The following RBFOX1 variants were observed in gnomAD, a reference collection of about 807,000 sequenced individuals.
RBFOX1 encodes RNA binding protein fox-1 homolog 1.
RBFOX1 carries 8 observed loss-of-function variants against 57.7 expected under a neutral mutation model. The ratio of observed to expected loss-of-function variants is 0.14; its 90% confidence interval spans 0.08 to 0.25. RBFOX1 has a LOEUF of 0.25. Ranked by LOEUF, RBFOX1 falls within the 10% of genes least tolerant of loss-of-function variation. The pLI is 1.00. For missense variants in RBFOX1, 611 were observed against 548.5 expected (o/e 1.11, Z -1.14); for synonymous variants, 326 against 222.4 (o/e 1.47, Z -4.15).
chr16:7,562,491 G>A (rs1172396797), intron 5 of RBFOX1, among the ~76,000 whole-genome samples: 1 of 152,090 alleles, frequency 6.6e-6, no homozygotes, highest in Non-Finnish European at 1.5e-5. Flanking sequence ...CGAGACCCTG[G>A]GCAACTATGG....
At chr16:6,158,808 C>A (rs1358290718) in intron 1 of RBFOX1, among the ~76,000 whole-genome samples, 1 of 152,108 alleles carries the variant, frequency 6.6e-6, no homozygotes, top group African/African-American at 2.4e-5. Flanking sequence ...GAGGGCACGT[C>A]TGGGAATTTG....
chr16:6,947,595 T>C (rs1270510287), intron 3 of RBFOX1, among the ~76,000 whole-genome samples: 1 of 152,236 alleles, frequency 6.6e-6, no homozygotes, highest in Non-Finnish European at 1.5e-5. Context: ...TGCTGCCTCC[T>C]GCCTTGCGTA....
At chr16:5,499,324 A>T (rs1209697480) in intron 2 of RBFOX1, among the ~76,000 whole-genome samples, 1 of 152,126 alleles carries the variant, frequency 6.6e-6, no homozygotes, top group Non-Finnish European at 1.5e-5. Context: ...GGCACAGGTG[A>T]CATTCTCTTG....
chr16:5,535,251 C>A (rs1454768971), intron 2 of RBFOX1, among the ~76,000 whole-genome samples: 1 of 152,208 alleles, frequency 6.6e-6, no homozygotes, highest in Non-Finnish European at 1.5e-5. Flanking sequence ...ATGAACAGCT[C>A]ATCAACTCCA....
chr16:5,685,247 G>A (rs1271867044), intron 3 of RBFOX1, among the ~76,000 whole-genome samples: 1 of 152,152 alleles, frequency 6.6e-6, no homozygotes, highest in Non-Finnish European at 1.5e-5. Context: ...AGGACATCCA[G>A]AAATTGATGC....
intron 4 of RBFOX1, among the ~76,000 whole-genome samples, chr16:5,982,808 C>T (rs7196321): frequency 0.18 from 28,020 of 152,120 alleles, 4,022 homozygotes; most frequent in African/African-American, 0.4. Context: ...TCTACTAGAA[C>T]GTAAATACCT....
intron 1 of RBFOX1, among the ~76,000 whole-genome samples, chr16:5,286,939 C>G (rs1054011899): frequency 6.6e-6 from 1 of 152,170 alleles, no homozygotes; most frequent in Non-Finnish European, 1.5e-5. Context: ...ACAATTTATT[C>G]CCTGGGGCTG....
At chr16:6,152,008 G>A (rs959048726) in intron 1 of RBFOX1, among the ~76,000 whole-genome samples, 3 of 152,144 alleles carry the variant, frequency 2.0e-5, no homozygotes, top group African/African-American at 7.2e-5. Flanking sequence ...CATTCCTTGG[G>A]TTTCTAAATG....
In RBFOX1 at chr16:5,465,404, A is replaced by G. The variant is rs147229116; in HGVS notation, c.220-1812A>G. Among the ~76,000 whole-genome samples the G allele has an allele frequency of 1.3e-3, 195 of 152,282 alleles. 1 individual carries two copies. Among genetic ancestry groups the G allele is most frequent in the East Asian group, 8.3e-3 (43 of 5,176 alleles). ...CTTTAAAGGTCCTGTCTGCAAGTCA[A>G]TTACGTTCAGAAGTCCTAGATTTGG... On this transcript the variant is annotated intron_variant, in intron 1 of 2. Transcript: ENST00000585867.
intron 3 of RBFOX1, among the ~76,000 whole-genome samples, chr16:6,806,817 A>AATATATAAATATATATATAT (rs1366370826): frequency 1.2e-5 from 1 of 85,126 alleles, no homozygotes; most frequent in African/African-American, 4.4e-5. Context: ...TAAATATATA[A>AATATATAAATATATATATAT]ATATATATAT....
chr16:6,311,277 C>G (rs1198831456), intron 1 of RBFOX1, among the ~76,000 whole-genome samples: 2 of 112,354 alleles, frequency 1.8e-5, no homozygotes, highest in Admixed American at 2.7e-4. Context: ...GCCTGGGTGA[C>G]AGTACGAGAC....
At chr16:6,326,436 A>T (rs540542018) in intron 2 of RBFOX1, among the ~76,000 whole-genome samples, 1 of 152,318 alleles carries the variant, frequency 6.6e-6, no homozygotes, top group South Asian at 2.1e-4. Flanking sequence ...GATTAGTTTG[A>T]CCAGATGTGA....
intron 2 of RBFOX1, among the ~76,000 whole-genome samples, chr16:6,472,238 G>T (rs958738953): frequency 1.3e-5 from 2 of 152,214 alleles, no homozygotes; most frequent in African/African-American, 4.8e-5. Flanking sequence ...ACCGATGAAG[G>T]CCAGGCTGTG....
intron 3 of RBFOX1, among the ~76,000 whole-genome samples, chr16:6,931,340 T>TACACACACACACAC (rs1555640313): frequency 2.8e-5 from 3 of 107,010 alleles, no homozygotes; most frequent in Admixed American, 8.6e-5. Flanking sequence ...TATCTATCTC[T>TACACACACACACAC]ACACACACAC....
intron 3 of RBFOX1, among the ~76,000 whole-genome samples, chr16:7,036,432 C>T (rs765659084): frequency 3.9e-5 from 6 of 152,076 alleles, no homozygotes; most frequent in South Asian, 2.1e-4. Context: ...TCAGGGCGGC[C>T]GGGCGTGGTG....
chr16:7,605,727 C>CTA (rs1024508622), intron 9 of RBFOX1, among the ~76,000 whole-genome samples: 1 of 152,176 alleles, frequency 6.6e-6, no homozygotes, highest in Non-Finnish European at 1.5e-5. Flanking sequence ...CACATTCAAA[C>CTA]TTTAATCATT....
chr16:6,943,893 C>G (rs963268414), intron 3 of RBFOX1, among the ~76,000 whole-genome samples: 5 of 152,078 alleles, frequency 3.3e-5, no homozygotes, highest in African/African-American at 1.2e-4. Context: ...TACATCACTT[C>G]CCTTTTTTCG....
intron 3 of RBFOX1, among the ~76,000 whole-genome samples, chr16:6,725,044 TTTTTTTTTTTTTTC>T (rs1235431143): frequency 8.6e-5 from 3 of 34,692 alleles, no homozygotes; most frequent in Non-Finnish European, 1.4e-4. Context: ...TTGGCTAGCT[TTTTTTTTTTTTTTC>T]TTTTTTTTTT....
intron 2 of RBFOX1, among the ~76,000 whole-genome samples, chr16:5,559,165 CAAAAAAAAAA>C (rs35531242): frequency 1.7e-4 from 11 of 65,384 alleles, no homozygotes; most frequent in African/African-American, 5.7e-4. Flanking sequence ...CCCCCCCAGG[CAAAAAAAAAA>C]AAAAAAAAAA....
Sources: gnomAD v4.1 joint callset for allele counts (sites outside exome capture counted in the v4.1 genomes callset) on GRCh38, gnomAD v4.1.1 for gene constraint, MANE v1.5 for transcripts, NCBI Gene and HGNC (gene_info 2026-07-23, HGNC 2026-07-21) for gene names.